CCDC38: variants seen among roughly 807,000 people sequenced by gnomAD.
CCDC38 encodes coiled-coil domain-containing protein 38.
CCDC38 carries 69 observed loss-of-function variants against 72.8 expected under a neutral mutation model. That is an observed-to-expected ratio of 0.95 (90% CI 0.78 to 1.16). CCDC38 has a LOEUF of 1.16. Among genes scored for constraint, CCDC38 ranks in the 50% most tolerant of loss-of-function variants. The pLI, the probability that CCDC38 is intolerant of heterozygous loss-of-function variation, is 0.00. For missense variants in CCDC38, 626 were observed against 638.9 expected, an observed-to-expected ratio of 0.98 and a Z score of 0.22; for synonymous variants, 201 against 213.2, an observed-to-expected ratio of 0.94 and a Z score of 0.50.
rs143808582 is a variant in CCDC38, at chr12:95,917,862, C to T, written c.139-568G>A. ...CTCCAGCCTGGGTGACAGAGCAAGA[C>T]TGTCAAAAAAAAAAAAAAAAAGGAA... On this transcript the variant is annotated intron_variant, in intron 3 of 15. Transcript: ENST00000344280. 0.035 allele frequency among the ~76,000 whole-genome samples: 4,229 copies of T among 120,332 alleles called. 381 individuals carry two copies. The East Asian group carries it at 0.39, about 11-fold the overall frequency. The allele number at this position is 120,332 out of a possible 152,430, so 78.9% of individuals were successfully genotyped here.
At position 95,898,652 on chromosome 12, in the gene CCDC38, G is replaced by A. The variant is rs1301634594; in HGVS notation, c.449C>T (p.Ala150Val). ...TGCATCATCTTGGAGCTTTTTCTCT[G>A]CTTTTTTTAGTTGCCGTTCCCTCAT... ...IAMRERQLKK[A>V]EKKLQDDALA... Residue 150 changes from alanine to valine, a missense_variant, in exon 6 of 16, where the codon GCA becomes GTA. Ala to Val is a moderately conservative substitution (Grantham distance 64). Coordinates refer to ENST00000344280, the MANE Select transcript of CCDC38 (RefSeq NM_182496.3). 6.2e-7 allele frequency: 1 copy of A among 1,614,106 alleles called. No individual in the cohort carries two copies. The highest frequency in any genetic ancestry group is 1.7e-5 in the Admixed American group (1 of 60,010).
intron 4 of CCDC38, among the ~76,000 whole-genome samples, chr12:95,910,946 C>T (rs986927587): frequency 2.6e-5 from 4 of 152,032 alleles, no homozygotes; most frequent in African/African-American, 9.7e-5. Flanking sequence ...CAATCCTACG[C>T]AAAAAGAACG....
chr12:95,934,032 T>A (rs2080365203), intron 2 of CCDC38: 1 of 151,920 alleles, frequency 6.6e-6, no homozygotes, highest in Non-Finnish European at 1.5e-5. Flanking sequence ...TTTAAAAGAT[T>A]AAAATAAATA....
intron 2 of CCDC38, among the ~76,000 whole-genome samples, chr12:95,923,669 T>C (rs2080234378): frequency 6.6e-6 from 1 of 152,060 alleles, no homozygotes; most frequent in Non-Finnish European, 1.5e-5. Context: ...ATTAGGTATA[T>C]CTCCCAATGC....
chr12:95,927,011 A>G (rs2080278725), intron 2 of CCDC38, among the ~76,000 whole-genome samples: 2 of 152,106 alleles, frequency 1.3e-5, no homozygotes, highest in African/African-American at 4.8e-5. Context: ...AAAAAAATGT[A>G]TATTCTGTTG....
chr12:95,897,908 A>T (rs2079907998), intron 7 of CCDC38, among the ~76,000 whole-genome samples: 1 of 152,134 alleles, frequency 6.6e-6, no homozygotes, highest in African/African-American at 2.4e-5. Flanking sequence ...TTTAATAGCA[A>T]TACTAGTTTC....
Position 95,929,187 on chromosome 12 carries a change from C to T in CCDC38, c.37+7286G>A, listed in dbSNP as rs563427704. Reference sequence around the variant, plus strand: ...CTCAGACTGCCGTGCTAGCAATCAGCGAGACTCTGTGGGCGTAGGACCCTC... The same window carrying T: ...CTCAGACTGCCGTGCTAGCAATCAGTGAGACTCTGTGGGCGTAGGACCCTC... On this transcript the variant is annotated intron_variant, in intron 2 of 15. Transcript: ENST00000344280. 2.8e-3 allele frequency among the ~76,000 whole-genome samples: 426 copies of T among 152,296 alleles called. 4 individuals carry two copies. The highest frequency in any genetic ancestry group is 9.2e-3 in the African/African-American group (383 of 41,564).
intron 2 of CCDC38, among the ~76,000 whole-genome samples, chr12:95,927,194 G>T (rs529465755): frequency 1.3e-5 from 2 of 151,930 alleles, no homozygotes; most frequent in Admixed American, 6.6e-5. Context: ...TTTCTAGGTC[G>T]CTCAGGACTT....
At chr12:95,869,691 A>T in intron 14 of CCDC38, 118 bp from the exon 15 acceptor site, 1 of 695,222 alleles carries the variant, frequency 1.4e-6, no homozygotes, top group Non-Finnish European at 2.5e-6. Flanking sequence ...GTAAATGAAA[A>T]TGACACTTCA....
intron 2 of CCDC38, among the ~76,000 whole-genome samples, chr12:95,923,788 T>C (rs1386459229): frequency 8.0e-5 from 12 of 149,922 alleles, no homozygotes; most frequent in Admixed American, 7.3e-4. Flanking sequence ...TGAGAATATG[T>C]GGTGTTTGGT....
intron 1 of CCDC38, 22 bp downstream of exon 1, chr12:95,942,409 A>C (rs2080462076): frequency 6.6e-6 from 1 of 152,150 alleles, no homozygotes. Context: ...AGGGGCGGAC[A>C]CTGAGCTGAA....
chr12:95,868,795 C>T (rs1165521452), intron 15 of CCDC38, among the ~76,000 whole-genome samples: 1 of 152,150 alleles, frequency 6.6e-6, no homozygotes, highest in Non-Finnish European at 1.5e-5. Flanking sequence ...TACCTAATCC[C>T]AAACTTCTGA....
intron 1 of CCDC38, among the ~76,000 whole-genome samples, chr12:95,938,844 G>T (rs1009906582): frequency 1.3e-5 from 2 of 152,194 alleles, no homozygotes; most frequent in Non-Finnish European, 2.9e-5. Context: ...CCAAAAGAGA[G>T]GGAAAATGTT....
chr12:95,881,125 T>A (rs565083114), intron 11 of CCDC38, among the ~76,000 whole-genome samples: 5 of 152,060 alleles, frequency 3.3e-5, no homozygotes, highest in Non-Finnish European at 7.4e-5. Context: ...TAAAGGGTTG[T>A]TTTGTTGAAG....
intron 2 of CCDC38, among the ~76,000 whole-genome samples, chr12:95,927,238 C>CAT (rs199805511): frequency 0.093 from 14,051 of 151,786 alleles, 1,153 homozygotes; most frequent in East Asian, 0.45. Context: ...GTATTGGGTG[C>CAT]ATATATATTT....
rs867073356 is a variant in CCDC38 at position 95,893,417 on chromosome 12, C to A, written c.772+1572G>T. Among the ~76,000 whole-genome samples, 31 of 94,860 alleles carry A rather than the reference C, an allele frequency of 3.3e-4. 1 individual carries two copies. In the South Asian group the frequency reaches 0.014, roughly 44 times the overall value. 62.2% of individuals were successfully genotyped at this position (94,860 alleles called of 152,430 possible). ...TTTAACTTATCTTCCTTCCCTCCCT[C>A]CCTCCCTCCCTCCCTCCCTCCCTCC... is the stretch of plus-strand genomic sequence containing the variant. On this transcript the variant is annotated intron_variant, in intron 8 of 15. Coordinates refer to ENST00000344280, the MANE Select transcript of CCDC38 (RefSeq NM_182496.3).
rs185543123 is a variant in CCDC38 at position 95,880,378 on chromosome 12, G to A, written c.991-583C>T. Among the ~76,000 whole-genome samples the A allele has an allele frequency of 2.8e-3, 430 of 152,232 alleles. 4 individuals carry two copies. Among genetic ancestry groups the A allele is most frequent in the African/African-American group, 1.0e-2 (414 of 41,550 alleles). ...AGCTTCAAAAGGAAAGAAATTGACC[G>A]GGTGCGGTGGCTCACACCTGTAATC... On this transcript the variant is annotated intron_variant, in intron 11 of 15. Coordinates refer to ENST00000344280, the MANE Select transcript of CCDC38 (RefSeq NM_182496.3).
intron 11 of CCDC38, among the ~76,000 whole-genome samples, chr12:95,880,427 G>A (rs1464171742): frequency 6.6e-6 from 1 of 152,102 alleles, no homozygotes; most frequent in Non-Finnish European, 1.5e-5. Flanking sequence ...AGGCCGAGGT[G>A]GGTGGATCAT....
chr12:95,873,215 G>A (rs1161276816), intron 13 of CCDC38, among the ~76,000 whole-genome samples: 1 of 152,074 alleles, frequency 6.6e-6, no homozygotes, highest in African/African-American at 2.4e-5. Context: ...CTATGTAATA[G>A]TTCTCTGCCT....
Sources: gnomAD v4.1 joint callset for allele counts (sites outside exome capture counted in the v4.1 genomes callset) on GRCh38, gnomAD v4.1.1 for gene constraint, MANE v1.5 for transcripts, NCBI Gene and HGNC (gene_info 2026-07-23, HGNC 2026-07-21) for gene names.